The following NRDE2 variants were observed in gnomAD, a reference collection of about 807,000 sequenced individuals.
The protein encoded by NRDE2 is NRDE-2, necessary for RNA interference, domain containing, also known as nuclear exosome regulator NRDE2.
Under a neutral mutation model 124.2 loss-of-function variants are expected in NRDE2, and 76 were observed. That is an observed-to-expected ratio of 0.61 (90% confidence interval 0.51 to 0.74). The LOEUF (loss-of-function observed/expected upper bound fraction) is 0.74, where lower values mean the gene tolerates loss of function less well. NRDE2 is among the 30% of genes least tolerant of loss of function. The pLI is 0.00. For synonymous variants in NRDE2, 489 were observed against 528.1 expected (o/e 0.93, Z 1.01); for missense variants, 1,314 against 1,417.3 (o/e 0.93, Z 1.17).
At chr14:90,319,644 T>G (rs995313138) in intron 1 of NRDE2, among the ~76,000 whole-genome samples, 3 of 152,252 alleles carry the variant, frequency 2.0e-5, no homozygotes, top group Non-Finnish European at 4.4e-5. Context: ...GGTTCATCCA[T>G]GCTGTAGTGT....
At chr14:90,303,536 A>ACAG (rs1884483970) in intron 5 of NRDE2, among the ~76,000 whole-genome samples, 1 of 152,178 alleles carries the variant, frequency 6.6e-6, no homozygotes, top group African/African-American at 2.4e-5. Flanking sequence ...AATACACTGA[A>ACAG]CAGCCCTCTC....
intron 9 of NRDE2, 66 bp from the exon 10 acceptor site, chr14:90,290,673 T>C (rs899433936): frequency 4.7e-6 from 7 of 1,479,042 alleles, no homozygotes; most frequent in Non-Finnish European, 3.7e-6. Context: ...GTCACAATTC[T>C]CTTTATATGC....
Position 90,299,360 on chromosome 14 carries a change from T to C in NRDE2, c.1546-980A>G, listed in dbSNP as rs543097280. Among the ~76,000 whole-genome samples the C allele has an allele frequency of 3.4e-4, 51 of 151,624 alleles. No homozygotes were observed. The South Asian group carries it at 0.011, about 32-fold the overall frequency. On this transcript the variant is annotated intron_variant, in intron 7 of 13. Coordinates refer to ENST00000354366, the MANE Select transcript of NRDE2 (RefSeq NM_017970.4). ...ACCGCGCCCAGCCTAAAGGTCTGCA[T>C]TTTAAAGCCTGGCCCCATTAGCACC... is the stretch of plus-strand genomic sequence containing the variant.
Position 90,278,064 on chromosome 14 carries a change from T to C in NRDE2, c.*272A>G. On this transcript the variant is annotated 3_prime_UTR_variant, in exon 14 of 14. Coordinates refer to ENST00000354366, the MANE Select transcript of NRDE2 (RefSeq NM_017970.4). ...GAGCAAGGACGCTGCCACGCCTCAA[T>C]CATCATCGGTTTAATGACCACGTGG... is the stretch of plus-strand genomic sequence containing the variant. 2 of 315,788 alleles carry C rather than the reference T, an allele frequency of 6.3e-6. No homozygotes were observed. The highest frequency in any genetic ancestry group is 4.0e-5 in the South Asian group (1 of 24,898). 19.6% of individuals were successfully genotyped at this position (315,788 alleles called of 1,614,324 possible). A position where few individuals can be genotyped will look rare whatever the true frequency, so the allele number is the denominator to read the frequency against.
chr14:90,291,671 C>G (rs1381543096), intron 9 of NRDE2, among the ~76,000 whole-genome samples: 1 of 152,202 alleles, frequency 6.6e-6, no homozygotes, highest in Non-Finnish European at 1.5e-5. Context: ...TCCCTAGAAG[C>G]TGGCCCCTTC....
Position 90,272,258 on chromosome 14 carries a change from T to A in NRDE2, c.*6078A>T, listed in dbSNP as rs554089953. On this transcript the variant is annotated 3_prime_UTR_variant, in exon 14 of 14. Coordinates refer to ENST00000354366, the MANE Select transcript of NRDE2 (RefSeq NM_017970.4). The surrounding 1 kb of genome is among the most constrained non-coding windows in gnomAD (Gnocchi z 4.5). Reference sequence around the variant, plus strand: ...TGAGTATGTCACTTTCTGAACACACTCTTCTTTCTTACAGGCAATCTGTAC... The same window carrying A: ...TGAGTATGTCACTTTCTGAACACACACTTCTTTCTTACAGGCAATCTGTAC... 1.2e-6 allele frequency: 2 copies of A among 1,601,434 alleles called. No homozygotes were observed. The highest frequency in any genetic ancestry group is 1.8e-5 in the Admixed American group (1 of 56,028).
intron 4 of NRDE2, among the ~76,000 whole-genome samples, chr14:90,309,472 C>CAAAAAAAA (rs746289824): frequency 9.0e-6 from 1 of 110,780 alleles, no homozygotes; most frequent in African/African-American, 3.6e-5. Flanking sequence ...GACTCTGTCT[C>CAAAAAAAA]AAAAAAAAAA....
Position 90,276,227 on chromosome 14 carries a change from T to A in NRDE2, c.*2109A>T. On this transcript the variant is annotated 3_prime_UTR_variant, in exon 14 of 14. Coordinates refer to ENST00000354366, the MANE Select transcript of NRDE2 (RefSeq NM_017970.4). ...AATCTCAAACGGGCTGTTTTTTTTTTTTTTTTTTCGAGACGGAGTCTTGCT... is the reference window on the plus strand; with the variant it reads ...AATCTCAAACGGGCTGTTTTTTTTTATTTTTTTTCGAGACGGAGTCTTGCT... 6.7e-6 allele frequency: 1 copy of A among 148,978 alleles called. No individual in the cohort carries two copies. Among genetic ancestry groups the A allele is most frequent in the South Asian group, 2.2e-4 (1 of 4,546 alleles). 9.2% of individuals were successfully genotyped at this position (148,978 alleles called of 1,614,324 possible).
chr14:90,318,180 T>C (rs886651571), intron 1 of NRDE2, 67 bp from the exon 2 acceptor site: 22 of 1,259,276 alleles, frequency 1.7e-5, no homozygotes, highest in Non-Finnish European at 2.3e-5. Flanking sequence ...AGGAGATCTA[T>C]CCATCTTATC....
intron 12 of NRDE2, among the ~76,000 whole-genome samples, chr14:90,282,301 C>T (rs1891973914): frequency 6.6e-6 from 1 of 151,094 alleles, no homozygotes; most frequent in African/African-American, 2.5e-5. Context: ...ATATGTGAGA[C>T]ACCATCTTTA....
Position 90,304,349 on chromosome 14 carries a change from A to G in NRDE2, c.591T>C (p.Ile197=), listed in dbSNP as rs780126120. The G allele has an allele frequency of 6.2e-7, 1 of 1,612,676 alleles. No homozygotes were observed. Among genetic ancestry groups the G allele is most frequent in the East Asian group, 2.2e-5 (1 of 44,868 alleles). ...AAGATATGCACTGCTTCTTAGGGTTAATGCCAAGGCAGGAGTCTCCTTTCC... is the reference window on the plus strand; with the variant it reads ...AAGATATGCACTGCTTCTTAGGGTTGATGCCAAGGCAGGAGTCTCCTTTCC... The part of the protein sequence containing the change: ...YKRKGDSCLG[I]NPKKQCISWE... Residue 197 remains isoleucine, a synonymous_variant, in exon 5 of 14, where the codon ATT becomes ATC. Coordinates refer to ENST00000354366, the MANE Select transcript of NRDE2 (RefSeq NM_017970.4).
Position 90,271,356 on chromosome 14 carries a change from T to C in NRDE2, c.*6980A>G, listed in dbSNP as rs1051255753. On this transcript the variant is annotated 3_prime_UTR_variant, in exon 14 of 14. Coordinates refer to ENST00000354366, the MANE Select transcript of NRDE2 (RefSeq NM_017970.4). ...ATAATATGTTTGTTTGCTGTCCTTCTCTATCTATTTCCTTCATTTCTCTTT... is the reference window on the plus strand; with the variant it reads ...ATAATATGTTTGTTTGCTGTCCTTCCCTATCTATTTCCTTCATTTCTCTTT... 6.6e-6 allele frequency: 1 copy of C among 152,178 alleles called. No homozygotes were observed. Among genetic ancestry groups the C allele is most frequent in the Non-Finnish European group, 1.5e-5 (1 of 68,022 alleles). The allele number at this position is 152,178 out of a possible 1,614,324, so 9.4% of individuals were successfully genotyped here.
In NRDE2 at chr14:90,270,626, G is replaced by A. The variant is rs1595046506; in HGVS notation, c.*7710C>T. The A allele has an allele frequency of 3.2e-6, 1 of 310,832 alleles. No individual in the cohort carries two copies. Among genetic ancestry groups the A allele is most frequent in the Non-Finnish European group, 5.9e-6 (1 of 168,694 alleles). The allele number at this position is 310,832 out of a possible 1,614,324, so 19.3% of individuals were successfully genotyped here. On this transcript the variant is annotated 3_prime_UTR_variant, in exon 14 of 14. Transcript: ENST00000354366. The stretch of plus-strand genomic sequence containing the variant: ...CTTAGGCCCAGGTGACTTTCTCAAG[G>A]TGTGTCAAATGTAGCTGCTCAGTCC...
intron 12 of NRDE2, 130 bp downstream of exon 12, chr14:90,286,224 A>C: frequency 9.9e-7 from 1 of 1,010,098 alleles, no homozygotes; most frequent in South Asian, 1.7e-5. Context: ...AATGCCAAGA[A>C]GATGAGAGTG....
intron 1 of NRDE2, among the ~76,000 whole-genome samples, chr14:90,330,264 C>T (rs1315022950): frequency 8.6e-6 from 1 of 116,658 alleles, no homozygotes; most frequent in Non-Finnish European, 1.8e-5. Flanking sequence ...TGCAGTTCAC[C>T]TATGGTATCT....
chr14:90,306,106 C>T (rs777730239), intron 4 of NRDE2, among the ~76,000 whole-genome samples: 8 of 152,108 alleles, frequency 5.3e-5, no homozygotes, highest in Non-Finnish European at 1.2e-4. Context: ...GGCAGTTATA[C>T]GAGCATTCAC....
At chr14:90,292,464 C>G (rs901929779) in intron 9 of NRDE2, among the ~76,000 whole-genome samples, 7 of 152,246 alleles carry the variant, frequency 4.6e-5, no homozygotes, top group Non-Finnish European at 8.8e-5. Flanking sequence ...CAGAAGCTCT[C>G]TGGTCAAGCA....
intron 9 of NRDE2, among the ~76,000 whole-genome samples, chr14:90,291,643 T>G (rs1016678305): frequency 6.6e-6 from 1 of 152,192 alleles, no homozygotes; most frequent in Non-Finnish European, 1.5e-5. Context: ...TCTCCAAGAC[T>G]TCCAGTGAGT....
At chr14:90,296,298 G>A (rs918588136) in intron 8 of NRDE2, among the ~76,000 whole-genome samples, 1 of 152,206 alleles carries the variant, frequency 6.6e-6, no homozygotes. Flanking sequence ...CTCAGTGGCT[G>A]AGTGCAATAC....
Sources: gnomAD v4.1 joint callset for allele counts (sites outside exome capture counted in the v4.1 genomes callset) on GRCh38, gnomAD v4.1.1 for gene constraint, Gnocchi (gnomAD v3.1) non-coding constraint, MANE v1.5 for transcripts, NCBI Gene and HGNC (gene_info 2026-07-23, HGNC 2026-07-21) for gene names.